The following ZNF512 variants were observed in gnomAD, a reference collection of about 807,000 sequenced individuals.
ZNF512 encodes zinc finger protein 512.
A neutral mutation model predicts 77.5 loss-of-function variants in ZNF512; 25 were observed. That is an observed-to-expected ratio of 0.32 (90% CI 0.23 to 0.45). The LOEUF (loss-of-function observed/expected upper bound fraction) is 0.45, where lower values mean the gene tolerates loss of function less well. ZNF512 is among the 20% of genes least tolerant of loss of function. The pLI, the probability that ZNF512 is intolerant of heterozygous loss-of-function variation, is 1.00. For missense variants in ZNF512, 483 were observed against 692.6 expected (o/e 0.70, Z 3.40); for synonymous variants, 246 against 239.9 (o/e 1.03, Z -0.24).
Position 27,598,212 on chromosome 2 carries a change from A to C in ZNF512, c.235A>C (p.Lys79Gln), listed in dbSNP as rs1448652638. Residue 79 changes from lysine (K) to glutamine (Q), a missense_variant, in exon 3 of 14, where the codon AAG becomes CAG. By Grantham distance (53) the Lys-to-Gln change is moderately conservative. Transcript: ENST00000355467. ...TTTCCGAAAATCTACCTACTGGATG[A>C]AGATGAGAAGAATCAAGCCAGCTGC... is the stretch of plus-strand genomic sequence containing the variant. ...ASFRKSTYWMKMRRIKPAATS... is the reference protein window; with the variant it reads ...ASFRKSTYWMQMRRIKPAATS... 1.2e-6 allele frequency: 2 copies of C among 1,613,930 alleles called. No homozygotes were observed. The highest frequency in any genetic ancestry group is 1.7e-6 in the Non-Finnish European group (2 of 1,179,978).
At chr2:27,585,956 G>C (rs1206369485) in intron 2 of ZNF512, among the ~76,000 whole-genome samples, 1 of 152,140 alleles carries the variant, frequency 6.6e-6, no homozygotes, top group African/African-American at 2.4e-5. Context: ...CTTGAGAATT[G>C]TTTTTGTTGA....
rs1673161793 is a variant in ZNF512 at position 27,622,491 on chromosome 2, T to C, written c.*1030T>C. 1 of 152,826 alleles carries C rather than the reference T, an allele frequency of 6.5e-6. No homozygotes were observed. The highest frequency in any genetic ancestry group is 1.5e-5 in the Non-Finnish European group (1 of 68,054). The allele number at this position is 152,826 out of a possible 1,614,324, so 9.5% of individuals were successfully genotyped here. A position where few individuals can be genotyped will look rare whatever the true frequency, so the allele number is the denominator to read the frequency against. On this transcript the variant is annotated 3_prime_UTR_variant, in exon 14 of 14. Transcript: ENST00000355467. ...ATATTGTCCTATCCTCTTTTATATA[T>C]GGAGTTCTCTCCTCTTTATATCCTG...
intron 5 of ZNF512, 136 bp from the exon 6 acceptor site, chr2:27,600,555 A>G (rs1384431569): frequency 4.1e-6 from 4 of 976,326 alleles, no homozygotes; most frequent in Non-Finnish European, 6.0e-6. Context: ...AGTTATACCC[A>G]GCAAGAGCCT....
At chr2:27,599,863 A>C in intron 4 of ZNF512, 107 bp from the exon 5 acceptor site, 1 of 1,325,094 alleles carries the variant, frequency 7.5e-7, no homozygotes, top group South Asian at 1.2e-5. Context: ...TTAGGCAGTC[A>C]GTCGGTTGAG....
intron 10 of ZNF512, among the ~76,000 whole-genome samples, chr2:27,609,301 T>C (rs1672506531): frequency 6.6e-6 from 1 of 151,946 alleles, no homozygotes; most frequent in Non-Finnish European, 1.5e-5. Flanking sequence ...TATTTCTACA[T>C]TTTTTTTGCC....
At chr2:27,602,602 C>A in intron 8 of ZNF512, 41 bp downstream of exon 8, 1 of 1,551,916 alleles carries the variant, frequency 6.4e-7, no homozygotes, top group Non-Finnish European at 8.8e-7. Flanking sequence ...CCTGAATTCT[C>A]AGGTCAATGT....
chr2:27,590,312 T>C (rs1425878798), intron 2 of ZNF512, among the ~76,000 whole-genome samples: 1 of 152,250 alleles, frequency 6.6e-6, no homozygotes, highest in African/African-American at 2.4e-5. Flanking sequence ...TGTCTCTTTT[T>C]ATCTCTGGCA....
chr2:27,583,167 T>A (rs1671186381), intron 1 of ZNF512, 25 bp downstream of exon 1: 14 of 1,614,222 alleles, frequency 8.7e-6, no homozygotes, highest in Non-Finnish European at 1.0e-5. Flanking sequence ...TTGACCGTTA[T>A]GCTTTAGAGG....
At chr2:27,587,275 T>G (rs1039372736) in intron 2 of ZNF512, among the ~76,000 whole-genome samples, 5 of 151,452 alleles carry the variant, frequency 3.3e-5, no homozygotes, top group African/African-American at 7.3e-5. Flanking sequence ...TGGGTTTTTT[T>G]TTTTTTTTTT....
At position 27,583,120 on chromosome 2, in the gene ZNF512, C is replaced by A; in HGVS notation, c.8C>A (p.Ser3Tyr). MS[S>Y]RLGAVPATSG... ...AGGCGTGGAGAGGGAGTGATGTCTTCCAGACTCGGTGCTGTACCCGCCGTG... is the reference window on the plus strand; with the variant it reads ...AGGCGTGGAGAGGGAGTGATGTCTTACAGACTCGGTGCTGTACCCGCCGTG... The change falls in exon 1 of 14, where the codon TCC (serine) becomes TAC (tyrosine). Residue 3 changes from serine to tyrosine, a missense_variant. By Grantham distance (144) the Ser-to-Tyr change is moderately radical. Coordinates refer to ENST00000355467, the MANE Select transcript of ZNF512 (RefSeq NM_032434.4). 1.2e-6 allele frequency: 2 copies of A among 1,614,114 alleles called. No individual in the cohort carries two copies. The highest frequency in any genetic ancestry group is 1.7e-6 in the Non-Finnish European group (2 of 1,180,022).
At chr2:27,604,597 A>G (rs1672276297) in intron 9 of ZNF512, among the ~76,000 whole-genome samples, 1 of 152,062 alleles carries the variant, frequency 6.6e-6, no homozygotes, top group Non-Finnish European at 1.5e-5. Flanking sequence ...GTTGGGCTAC[A>G]TAGTGAGACC....
At chr2:27,599,421 T>C (rs1371058151) in intron 3 of ZNF512, among the ~76,000 whole-genome samples, 162 bp from the exon 4 acceptor site, 1 of 151,690 alleles carries the variant, frequency 6.6e-6, no homozygotes, top group Non-Finnish European at 1.5e-5. Flanking sequence ...AATGAGAAGT[T>C]ACACCAACTT....
At position 27,610,139 on chromosome 2, in the gene ZNF512, C is replaced by T. The variant is rs984541203; in HGVS notation, c.1131+2100C>T. On this transcript the variant is annotated intron_variant, in intron 10 of 13. Coordinates refer to ENST00000355467, the MANE Select transcript of ZNF512 (RefSeq NM_032434.4). ...TAGCACTTTGGGAGTCCAAGGTGGG[C>T]GGATCACGAGGTCAGGAGATTGAGA... is the stretch of plus-strand genomic sequence containing the variant. Among the ~76,000 whole-genome samples, 121 of 151,662 alleles carry T rather than the reference C, an allele frequency of 8.0e-4. 1 individual carries two copies. Among genetic ancestry groups the T allele is most frequent in the African/African-American group, 2.7e-3 (112 of 41,392 alleles).
chr2:27,599,575 T>A lies in ZNF512; in HGVS notation c.278-8T>A. On this transcript the variant is annotated splice_polypyrimidine_tract_variant and splice_region_variant and intron_variant, in intron 3 of 13. Transcript: ENST00000355467. ...GAGTTTTTGTTTTGTTTTTGTATGGTACTTCAGGGTCAGGTGGAGTATCAG... is the reference window on the plus strand; with the variant it reads ...GAGTTTTTGTTTTGTTTTTGTATGGAACTTCAGGGTCAGGTGGAGTATCAG... The A allele has an allele frequency of 6.2e-7, 1 of 1,612,174 alleles. No individual in the cohort carries two copies. The highest frequency in any genetic ancestry group is 8.5e-7 in the Non-Finnish European group (1 of 1,178,322).
At chr2:27,621,064 A>G (rs1052664529) in intron 13 of ZNF512, 89 bp from the exon 14 acceptor site, 5 of 1,452,864 alleles carry the variant, frequency 3.4e-6, no homozygotes, top group Non-Finnish European at 4.7e-6. Flanking sequence ...TTCTGCCCTA[A>G]TCATGCCTTT....
In ZNF512 at chr2:27,622,208, T is replaced by C. The variant is rs1385340253; in HGVS notation, c.*747T>C. On this transcript the variant is annotated 3_prime_UTR_variant, in exon 14 of 14. Transcript: ENST00000355467. ...GCAGCAATAAATACTGCCCCAACTT[T>C]CCTGGAGCCCGAGGCCTCATCCATA... 1 of 152,330 alleles carries C rather than the reference T, an allele frequency of 6.6e-6. No individual in the cohort carries two copies. The highest frequency in any genetic ancestry group is 1.5e-5 in the Non-Finnish European group (1 of 68,036). 9.4% of individuals were successfully genotyped at this position (152,330 alleles called of 1,614,324 possible). A position where few individuals can be genotyped will look rare whatever the true frequency, so the allele number is the denominator to read the frequency against.
At chr2:27,587,268 G>GTT (rs57745266) in intron 2 of ZNF512, among the ~76,000 whole-genome samples, 40 of 132,938 alleles carry the variant, frequency 3.0e-4, no homozygotes, top group Admixed American at 7.7e-4. Flanking sequence ...TAATTCATGG[G>GTT]TTTTTTTTTT....
intron 2 of ZNF512, among the ~76,000 whole-genome samples, chr2:27,595,303 C>CTTT (rs1296299471): frequency 1.5e-5 from 2 of 134,080 alleles, no homozygotes; most frequent in Non-Finnish European, 3.2e-5. Context: ...CTTTTCTTTT[C>CTTT]TTTTTTTTTT....
At chr2:27,604,261 C>A (rs771320894) in intron 9 of ZNF512, among the ~76,000 whole-genome samples, 2 of 152,256 alleles carry the variant, frequency 1.3e-5, no homozygotes, top group Non-Finnish European at 2.9e-5. Flanking sequence ...AGGCATTCCC[C>A]CATAGCTAGA....
Sources: gnomAD v4.1 joint callset for allele counts (sites outside exome capture counted in the v4.1 genomes callset) on GRCh38, gnomAD v4.1.1 for gene constraint, MANE v1.5 for transcripts, NCBI Gene and HGNC (gene_info 2026-07-23, HGNC 2026-07-21) for gene names.